SNX7: variants seen among roughly 807,000 people sequenced by gnomAD.
SNX7 encodes sorting nexin 7.
In SNX7, 35 loss-of-function variants were observed where a neutral mutation model predicts 48.4. The ratio of observed to expected loss-of-function variants is 0.72; its 90% CI spans 0.55 to 0.96. The LOEUF (loss-of-function observed/expected upper bound fraction) is 0.96, where lower values mean the gene tolerates loss of function less well. Ranked by LOEUF, SNX7 falls within the 40% of genes least tolerant of loss-of-function variation. SNX7 has a pLI of 0.00. For missense variants in SNX7, 553 were observed against 548.9 expected (o/e 1.01, Z -0.07); for synonymous variants, 190 against 190.2 (o/e 1.00, Z 0.01).
At chr1:98,743,552 G>A (rs774947549) in intron 8 of SNX7, among the ~76,000 whole-genome samples, 1 of 152,034 alleles carries the variant, frequency 6.6e-6, no homozygotes, top group African/African-American at 2.4e-5. Flanking sequence ...CTAGCCAGAT[G>A]AACAGTACTA....
chr1:98,735,417 A>G (rs1328826190), intron 7 of SNX7, among the ~76,000 whole-genome samples: 2 of 152,144 alleles, frequency 1.3e-5, no homozygotes, highest in African/African-American at 4.8e-5. Context: ...CGTCAAAGAA[A>G]GAAGAAAACT....
intron 1 of SNX7, among the ~76,000 whole-genome samples, chr1:98,675,015 A>G (rs1312106395): frequency 6.6e-6 from 1 of 152,212 alleles, no homozygotes; most frequent in Admixed American, 6.5e-5. Flanking sequence ...GGAAAAAATA[A>G]AAAGATATAT....
chr1:98,675,051 T>C (rs1379299651), intron 1 of SNX7, among the ~76,000 whole-genome samples: 1 of 152,192 alleles, frequency 6.6e-6, no homozygotes, highest in East Asian at 1.9e-4. Context: ...GACCCTAAGA[T>C]AATGGTCTTA....
At chr1:98,672,663 G>A (rs976582840) in intron 1 of SNX7, among the ~76,000 whole-genome samples, 14 of 151,730 alleles carry the variant, frequency 9.2e-5, no homozygotes, top group African/African-American at 3.4e-4. Context: ...GGTGGCTCAC[G>A]CCTGTAATCC....
At chr1:98,664,193 A>G (rs543783878) in intron 1 of SNX7, among the ~76,000 whole-genome samples, 1 of 152,278 alleles carries the variant, frequency 6.6e-6, no homozygotes, top group South Asian at 2.1e-4. Flanking sequence ...ATTCACCTTT[A>G]TAGTCCCCTT....
At chr1:98,698,113 A>T (rs1382971511) in intron 5 of SNX7, among the ~76,000 whole-genome samples, 1 of 152,152 alleles carries the variant, frequency 6.6e-6, no homozygotes, top group Non-Finnish European at 1.5e-5. Context: ...ATAAAAATAG[A>T]GGGAGAATAG....
At chr1:98,747,511 G>GGCC (rs1414029331) in intron 8 of SNX7, among the ~76,000 whole-genome samples, 1 of 152,114 alleles carries the variant, frequency 6.6e-6, no homozygotes, top group African/African-American at 2.4e-5. Flanking sequence ...GACTAGTCAT[G>GGCC]GCCAGTAAGA....
At chr1:98,687,078 A>G (rs756272864) in intron 2 of SNX7, among the ~76,000 whole-genome samples, 10 of 152,182 alleles carry the variant, frequency 6.6e-5, no homozygotes, top group Non-Finnish European at 1.3e-4. Flanking sequence ...GCAAACATTT[A>G]CTGTGTGACT....
intron 1 of SNX7, among the ~76,000 whole-genome samples, chr1:98,675,651 G>A (rs903272039): frequency 4.6e-5 from 7 of 152,178 alleles, no homozygotes; most frequent in African/African-American, 1.7e-4. Context: ...CGTAATGTCA[G>A]TAAAATACAA....
At chr1:98,728,965 T>A (rs4303092) in intron 7 of SNX7, among the ~76,000 whole-genome samples, 1 of 152,124 alleles carries the variant, frequency 6.6e-6, no homozygotes, top group African/African-American at 2.4e-5. Context: ...TATGCAGAAT[T>A]CCCCACCCCA....
intron 2 of SNX7, among the ~76,000 whole-genome samples, chr1:98,688,068 A>G (rs1410805382): frequency 6.6e-6 from 1 of 152,208 alleles, no homozygotes; most frequent in Non-Finnish European, 1.5e-5. Context: ...CTTTATAGTT[A>G]TAAATATTTT....
intron 7 of SNX7, among the ~76,000 whole-genome samples, chr1:98,715,362 T>C (rs903905162): frequency 2.0e-5 from 3 of 152,152 alleles, no homozygotes; most frequent in African/African-American, 7.2e-5. Flanking sequence ...TCTTTTTAGG[T>C]AGTATATGAT....
chr1:98,669,079 T>C (rs1199271655), intron 1 of SNX7, among the ~76,000 whole-genome samples: 1 of 152,236 alleles, frequency 6.6e-6, no homozygotes, highest in Non-Finnish European at 1.5e-5. Context: ...GACTATGTTC[T>C]GCCATTCTCC....
At position 98,759,425 on chromosome 1, in the gene SNX7, C is replaced by T. The variant is rs562911928; in HGVS notation, c.1279-629C>T. 7.2e-5 allele frequency among the ~76,000 whole-genome samples: 11 copies of T among 152,136 alleles called. No individual in the cohort carries two copies. The South Asian group carries it at 1.7e-3, about 23-fold the overall frequency. On this transcript the variant is annotated intron_variant, in intron 8 of 8. Transcript: ENST00000306121. Reference sequence around the variant, plus strand: ...CACATTTATGTTTATGTGTTCCCAGCGCCTTCAGACCCTTACAATCCTGTT... The same window carrying T: ...CACATTTATGTTTATGTGTTCCCAGTGCCTTCAGACCCTTACAATCCTGTT...
intron 1 of SNX7, among the ~76,000 whole-genome samples, chr1:98,665,770 A>G (rs1214257379): frequency 6.6e-6 from 1 of 152,030 alleles, no homozygotes; most frequent in African/African-American, 2.4e-5. Context: ...TTGTATTTTT[A>G]GTAGAGACAG....
intron 7 of SNX7, among the ~76,000 whole-genome samples, chr1:98,736,670 T>TA (rs1653795484): frequency 6.6e-6 from 1 of 152,168 alleles, no homozygotes; most frequent in African/African-American, 2.4e-5. Context: ...AAATACATCT[T>TA]ACATTGGTCA....
intron 7 of SNX7, among the ~76,000 whole-genome samples, chr1:98,706,487 G>A (rs201666744): frequency 6.6e-6 from 1 of 152,124 alleles, no homozygotes; most frequent in Non-Finnish European, 1.5e-5. Context: ...CCAGGGGTTA[G>A]ACCATATAGA....
intron 1 of SNX7, among the ~76,000 whole-genome samples, chr1:98,678,074 A>G (rs1650276065): frequency 6.6e-6 from 1 of 151,814 alleles, no homozygotes; most frequent in South Asian, 2.1e-4. Context: ...TGGGTCATTT[A>G]TAAAGAAAAG....
At chr1:98,671,015 TTAAAGA>T (rs1457303911) in intron 1 of SNX7, among the ~76,000 whole-genome samples, 52 of 152,226 alleles carry the variant, frequency 3.4e-4, no homozygotes, top group African/African-American at 1.2e-3. Flanking sequence ...TCCGTGAGTT[TTAAAGA>T]TAAAGTTTTA....
Sources: allele counts gnomAD v4.1 joint callset (sites outside exome capture counted in the v4.1 genomes callset), GRCh38; gene constraint gnomAD v4.1.1; transcripts MANE v1.5; gene names NCBI Gene and HGNC (gene_info 2026-07-23, HGNC 2026-07-21).